ATXN7: variants seen among roughly 807,000 people sequenced by gnomAD.
The protein encoded by ATXN7 is ataxin 7, also known as ataxin-7.
Under a neutral mutation model 70.5 loss-of-function variants are expected in ATXN7, and 12 were observed. The observed-to-expected ratio is 0.17, with a 90% CI of 0.11 to 0.28. The LOEUF (loss-of-function observed/expected upper bound fraction) is 0.28, where lower values mean the gene tolerates loss of function less well. ATXN7 is among the 10% of genes least tolerant of loss of function. ATXN7 has a pLI of 1.00. For synonymous variants in ATXN7, 498 were observed against 448.7 expected (o/e 1.11, Z -1.39); for missense variants, 1,256 against 1,131.7 (o/e 1.11, Z -1.58).
chr3:63,954,428 A>C (rs1457185257), intron 5 of ATXN7, among the ~76,000 whole-genome samples: 1 of 152,158 alleles, frequency 6.6e-6, no homozygotes, highest in African/African-American at 2.4e-5. Flanking sequence ...GGATGAGTGG[A>C]GTGCAAAGGC....
intron 4 of ATXN7, among the ~76,000 whole-genome samples, chr3:63,931,498 TC>T (rs1429537483): frequency 6.6e-6 from 1 of 152,222 alleles, no homozygotes; most frequent in Non-Finnish European, 1.5e-5. Context: ...AGAGGACACT[TC>T]GGGACTTTCT....
Position 63,897,927 on chromosome 3 carries a change from T to C in ATXN7, c.-110-472T>C, listed in dbSNP as rs190161753. Among the ~76,000 whole-genome samples, 3 of 152,326 alleles carry C rather than the reference T, an allele frequency of 2.0e-5. No individual in the cohort carries two copies. In the East Asian group the frequency reaches 5.8e-4, roughly 29 times the overall value. ...GTGCTTTTTAATAAGATGGTTTAAT[T>C]GAATTGTTACCTGTTGAAGTATTAA... On this transcript the variant is annotated intron_variant, in intron 1 of 12. Transcript: ENST00000674280.
intron 5 of ATXN7, among the ~76,000 whole-genome samples, chr3:63,966,832 G>T (rs2075232050): frequency 6.6e-6 from 1 of 152,202 alleles, no homozygotes; most frequent in Admixed American, 6.5e-5. Context: ...TTCTGTAGAA[G>T]AATCTTTTGC....
intron 1 of ATXN7, among the ~76,000 whole-genome samples, chr3:63,891,361 C>G (rs1030826194): frequency 1.3e-5 from 2 of 150,776 alleles, no homozygotes; most frequent in Non-Finnish European, 2.9e-5. Flanking sequence ...CTCTTTTGCA[C>G]TAGCTGAAGT....
intron 7 of ATXN7, 31 bp downstream of exon 7, chr3:63,982,476 T>G: frequency 6.5e-7 from 1 of 1,531,382 alleles, no homozygotes; most frequent in South Asian, 1.2e-5. Context: ...TTCATAATGC[T>G]TCTCTATATA....
chr3:63,972,223 A>G lies in ATXN7; in HGVS notation c.500-7692A>G, dbSNP rs921780515. On this transcript the variant is annotated intron_variant, in intron 5 of 12. Transcript: ENST00000674280. ...GAAGTTTTTAAACTGAGCTTTTGAT[A>G]CATGCGTTGTTACTTACTGTGACTG... 2.3e-4 allele frequency among the ~76,000 whole-genome samples: 35 copies of G among 152,264 alleles called. 1 individual carries two copies. Among genetic ancestry groups the G allele is most frequent in the Non-Finnish European group, 1.0e-4 (7 of 68,056 alleles).
Position 63,864,102 on chromosome 3 carries a change from C to A in ATXN7, c.-167C>A, listed in dbSNP as rs1420726415. Among the ~76,000 whole-genome samples the A allele has an allele frequency of 6.8e-6, 1 of 146,708 alleles. No homozygotes were observed. The highest frequency in any genetic ancestry group is 6.7e-5 in the Admixed American group (1 of 14,816). Reference sequence around the variant, plus strand: ...GCCCGGGCTCCCGCCGCCCCCCTTGCAGCCCCCGCCCGGCCCACGCCCAGA... The same window carrying A: ...GCCCGGGCTCCCGCCGCCCCCCTTGAAGCCCCCGCCCGGCCCACGCCCAGA... On this transcript the variant is annotated 5_prime_UTR_variant, in exon 1 of 13. Coordinates refer to ENST00000674280, the MANE Select transcript of ATXN7 (RefSeq NM_001377405.1).
intron 6 of ATXN7, among the ~76,000 whole-genome samples, chr3:63,981,280 A>G (rs940338411): frequency 6.6e-6 from 1 of 152,174 alleles, no homozygotes; most frequent in African/African-American, 2.4e-5. Flanking sequence ...TTCTTCTGTC[A>G]GAAGTACAGT....
In ATXN7 at chr3:63,982,301, C is replaced by T. The variant is rs866657304; in HGVS notation, c.868C>T (p.Leu290Phe). 1 of 1,614,182 alleles carries T rather than the reference C, an allele frequency of 6.2e-7. No individual in the cohort carries two copies. The highest frequency in any genetic ancestry group is 8.5e-7 in the Non-Finnish European group (1 of 1,180,030). The change falls in exon 7 of 13, where the codon CTT becomes TTT. Residue 290 changes from leucine to phenylalanine, a missense_variant. Leu to Phe is a conservative substitution (Grantham distance 22). Coordinates refer to ENST00000674280, the MANE Select transcript of ATXN7 (RefSeq NM_001377405.1). ...TGTGAGTTCCTTAGTCAAGCCTGGC[C>T]TTAACTGCCCCTCAATACCAAAGCC... ...ATVSSLVKPG[L>F]NCPSIPKPTL...
At chr3:63,921,354 C>T (rs1704503787) in intron 4 of ATXN7, among the ~76,000 whole-genome samples, 1 of 152,146 alleles carries the variant, frequency 6.6e-6, no homozygotes, top group Admixed American at 6.5e-5. Context: ...CAGTGGTCCC[C>T]AGGCTTTATA....
chr3:63,892,473 ACACACACACACACACACACACC>A (rs1296054829), intron 1 of ATXN7, among the ~76,000 whole-genome samples: 9 of 141,096 alleles, frequency 6.4e-5, no homozygotes, highest in Non-Finnish European at 1.1e-4. Flanking sequence ...TCCTTCACAC[ACACACACACACACACACACACC>A]CACACACACA....
At chr3:63,866,376 A>G (rs1270126873) in intron 1 of ATXN7, among the ~76,000 whole-genome samples, 2 of 152,136 alleles carry the variant, frequency 1.3e-5, no homozygotes, top group African/African-American at 2.4e-5. Flanking sequence ...TCAGCCTACC[A>G]ACTAGTTGGG....
At chr3:63,980,482 G>A (rs1465196241) in intron 6 of ATXN7, 5 of 260,314 alleles carry the variant, frequency 1.9e-5, no homozygotes, top group East Asian at 7.4e-5. Flanking sequence ...TACTATCCTC[G>A]TTTTCCAGAT....
intron 4 of ATXN7, among the ~76,000 whole-genome samples, chr3:63,925,647 T>TAGAAGAAAATGTA (rs1190562143): frequency 6.6e-6 from 1 of 152,144 alleles, no homozygotes; most frequent in East Asian, 1.9e-4. Flanking sequence ...CCAGCACCCT[T>TAGAAGAAAATGTA]AGAAGAAAAT....
chr3:63,867,899 C>A (rs550665125), intron 1 of ATXN7, among the ~76,000 whole-genome samples: 2 of 150,508 alleles, frequency 1.3e-5, no homozygotes, highest in Non-Finnish European at 2.9e-5. Context: ...AAATAAATAA[C>A]AAACAAATAA....
At chr3:63,996,610 G>A (rs919183266) in intron 12 of ATXN7, 127 bp downstream of exon 12, 26 of 299,648 alleles carry the variant, frequency 8.7e-5, no homozygotes, top group Non-Finnish European at 1.5e-4. Context: ...GCTTCATGGT[G>A]TCTTCTTAAA....
In ATXN7 at chr3:64,002,985, G is replaced by A. The variant is rs2106823151; in HGVS notation, c.*3518G>A. ...TTGAAAAATGTAACTTATAAGGGCAGCTGTCTTCCTGCAAGAGTTCTGTTG... is the reference window on the plus strand; with the variant it reads ...TTGAAAAATGTAACTTATAAGGGCAACTGTCTTCCTGCAAGAGTTCTGTTG... On this transcript the variant is annotated 3_prime_UTR_variant, in exon 13 of 13. Coordinates refer to ENST00000674280, the MANE Select transcript of ATXN7 (RefSeq NM_001377405.1). 6.6e-6 allele frequency: 1 copy of A among 152,234 alleles called. No homozygotes were observed. Among genetic ancestry groups the A allele is most frequent in the African/African-American group, 2.4e-5 (1 of 41,546 alleles). The allele number at this position is 152,234 out of a possible 1,614,324, so 9.4% of individuals were successfully genotyped here.
At chr3:63,990,601 T>A in intron 10 of ATXN7, 137 bp from the exon 11 acceptor site, 1 of 1,399,376 alleles carries the variant, frequency 7.1e-7, no homozygotes, top group Admixed American at 1.8e-5. Context: ...GCATTGTCAC[T>A]CTCATGCTTC....
chr3:63,912,446 T>TC (rs1400804969), intron 2 of ATXN7, 142 bp from the exon 3 acceptor site: 9 of 369,474 alleles, frequency 2.4e-5, no homozygotes, highest in Non-Finnish European at 3.4e-5. Context: ...GGAGGCGGGC[T>TC]CGGGGGGCTG....
Sources: gnomAD v4.1 joint callset for allele counts (sites outside exome capture counted in the v4.1 genomes callset) on GRCh38, gnomAD v4.1.1 for gene constraint, MANE v1.5 for transcripts, NCBI Gene and HGNC (gene_info 2026-07-23, HGNC 2026-07-21) for gene names.